RPL36AL: variants seen among roughly 807,000 people sequenced by gnomAD.
RPL36AL encodes the protein ribosomal protein eL42-like.
A neutral mutation model predicts 7.9 loss-of-function variants in RPL36AL; 8 were observed. The ratio of observed to expected loss-of-function variants is 1.02; its 90% CI spans 0.60 to 1.84. The LOEUF (loss-of-function observed/expected upper bound fraction) is 1.84. Among genes scored for constraint, RPL36AL ranks in the 40% most tolerant of loss-of-function variants. The pLI is 0.00. For synonymous variants in RPL36AL, 44 were observed against 44.8 expected (o/e 0.98, Z 0.07); for missense variants, 76 against 126.8 (o/e 0.60, Z 1.93).
chr14:49,619,643 G>A (rs1024609368), intron 1 of RPL36AL, among the ~76,000 whole-genome samples: 7 of 151,356 alleles, frequency 4.6e-5, no homozygotes, highest in Non-Finnish European at 7.4e-5. Flanking sequence ...AAAAAAAAAA[G>A]AACTGAGGCA....
chr14:49,619,209 T>C, intron 1 of RPL36AL, 69 bp from the exon 2 acceptor site: 1 of 988,610 alleles, frequency 1.0e-6, no homozygotes, highest in Non-Finnish European at 1.5e-6. Flanking sequence ...GCTATACAAG[T>C]ATATACAGGA....
Position 49,619,136 on chromosome 14 carries a change from G to T in RPL36AL, c.-32C>A, listed in dbSNP as rs753671654. 8 of 1,541,230 alleles carry T rather than the reference G, an allele frequency of 5.2e-6. No individual in the cohort carries two copies. The highest frequency in any genetic ancestry group is 7.0e-6 in the Non-Finnish European group (8 of 1,139,720). On this transcript the variant is annotated 5_prime_UTR_variant, in exon 2 of 2. Coordinates refer to ENST00000298289, the MANE Select transcript of RPL36AL (RefSeq NM_001001.5). ...AGCAGGGCTGTTTTGTCTATATGATGAAAACTGTAGTAAAATATTTAAAAT... is the reference window on the plus strand; with the variant it reads ...AGCAGGGCTGTTTTGTCTATATGATTAAAACTGTAGTAAAATATTTAAAAT...
Position 49,618,928 on chromosome 14 carries a change from C to T in RPL36AL, c.177G>A (p.Lys59=). Residue 59 remains lysine (K), a synonymous_variant, in exon 2 of 2, where the codon AAG becomes AAA. Coordinates refer to ENST00000298289, the MANE Select transcript of RPL36AL (RefSeq NM_001001.5). ...GGQTKPIFRK[K]AKTTKKIVLR... ...GCACAATCTTCTTTGTGGTCTTAGCCTTCTTCCGGAAAATTGGCTTTGTCT... is the reference window on the plus strand; with the variant it reads ...GCACAATCTTCTTTGTGGTCTTAGCTTTCTTCCGGAAAATTGGCTTTGTCT... 6.2e-7 allele frequency: 1 copy of T among 1,613,658 alleles called. No individual in the cohort carries two copies. Among genetic ancestry groups the T allele is most frequent in the Non-Finnish European group, 8.5e-7 (1 of 1,179,870 alleles).
rs1566503307 is a variant in RPL36AL, at chr14:49,620,581, C to CCTGGCCCTTCGCAGCT, written c.-72_-57dup. ...GCTTACCGAGAAACAGCGCCCGACA[C>CCTGGCCCTTCGCAGCT]CTGGCCCTTCGCAGCTCTCGCCTTT... On this transcript the variant is annotated 5_prime_UTR_variant, in exon 1 of 2. Transcript: ENST00000298289. 5.0e-6 allele frequency: 1 copy of CCTGGCCCTTCGCAGCT among 198,428 alleles called. No individual in the cohort carries two copies. Among genetic ancestry groups the CCTGGCCCTTCGCAGCT allele is most frequent in the Non-Finnish European group, 1.0e-5 (1 of 97,712 alleles). The allele number at this position is 198,428 out of a possible 1,614,324, so 12.3% of individuals were successfully genotyped here.
chr14:49,619,672 T>C (rs1882776203), intron 1 of RPL36AL, among the ~76,000 whole-genome samples: 1 of 151,650 alleles, frequency 6.6e-6, no homozygotes, highest in South Asian at 2.1e-4. Flanking sequence ...ATAAGTAGAA[T>C]GTTTATTTGG....
Position 49,620,600 on chromosome 14 carries a change from C to A in RPL36AL, c.-75G>T, listed in dbSNP as rs1021197191. 5 of 216,692 alleles carry A rather than the reference C, an allele frequency of 2.3e-5. No homozygotes were observed. The highest frequency in any genetic ancestry group is 9.2e-5 in the African/African-American group (4 of 43,558). The allele number at this position is 216,692 out of a possible 1,614,324, so 13.4% of individuals were successfully genotyped here. ...CCGACACCTGGCCCTTCGCAGCTCT[C>A]GCCTTTCGCAGCTCTCGCCTAACAG... On this transcript the variant is annotated 5_prime_UTR_variant, in exon 1 of 2. Transcript: ENST00000298289.
At chr14:49,620,045 G>A (rs996353263) in intron 1 of RPL36AL, among the ~76,000 whole-genome samples, 1 of 152,140 alleles carries the variant, frequency 6.6e-6, no homozygotes, top group Non-Finnish European at 1.5e-5. Context: ...AAAACCGACA[G>A]CAGCAGCTTT....
chr14:49,619,238 A>G, intron 1 of RPL36AL, 98 bp from the exon 2 acceptor site: 3 of 702,658 alleles, frequency 4.3e-6, no homozygotes, highest in Non-Finnish European at 7.1e-6. Flanking sequence ...CACATAAATG[A>G]GTAATATATA....
rs942305612 is a variant in RPL36AL at position 49,620,596 on chromosome 14, C to G, written c.-71G>C. 4.7e-5 allele frequency: 10 copies of G among 213,048 alleles called. No homozygotes were observed. Among genetic ancestry groups the G allele is most frequent in the Non-Finnish European group, 8.4e-5 (9 of 107,476 alleles). The allele number at this position is 213,048 out of a possible 1,614,324, so 13.2% of individuals were successfully genotyped here. On this transcript the variant is annotated 5_prime_UTR_variant, in exon 1 of 2. Coordinates refer to ENST00000298289, the MANE Select transcript of RPL36AL (RefSeq NM_001001.5). ...GCGCCCGACACCTGGCCCTTCGCAG[C>G]TCTCGCCTTTCGCAGCTCTCGCCTA...
At position 49,618,681 on chromosome 14, in the gene RPL36AL, C is replaced by G; in HGVS notation, c.*103G>C. On this transcript the variant is annotated 3_prime_UTR_variant, in exon 2 of 2. Coordinates refer to ENST00000298289, the MANE Select transcript of RPL36AL (RefSeq NM_001001.5). ...GAATTCTATTTATAAGTAAAAACCA[C>G]AAAAAGTTTGCGTAAGAATATCACT... 1.0e-6 allele frequency: 1 copy of G among 958,134 alleles called. No individual in the cohort carries two copies. The allele number at this position is 958,134 out of a possible 1,614,324, so 59.4% of individuals were successfully genotyped here. A position where few individuals can be genotyped will look rare whatever the true frequency, so the allele number is the denominator to read the frequency against.
rs202167544 is a variant in RPL36AL at position 49,619,084 on chromosome 14, G to C, written c.21C>G (p.Thr7=). ...CACACTTCTTACAGAAGGTTCTTCG[G>C]GTTTTAGGTACGTTGACCATCTTTG... MVNVPK[T]RRTFCKKCGK... The change falls in exon 2 of 2, where the codon ACC becomes ACG. Residue 7 remains threonine, a synonymous_variant. Transcript: ENST00000298289. 123 of 1,611,046 alleles carry C rather than the reference G, an allele frequency of 7.6e-5. No homozygotes were observed. Among genetic ancestry groups the C allele is most frequent in the Non-Finnish European group, 9.4e-5 (111 of 1,177,640 alleles).
At chr14:49,619,203 T>C (rs1368445983) in intron 1 of RPL36AL, 63 bp from the exon 2 acceptor site, 21 of 1,006,634 alleles carry the variant, frequency 2.1e-5, no homozygotes, top group Admixed American at 7.6e-5. Context: ...GAAAGTGCTA[T>C]ACAAGTATAT....
At position 49,618,632 on chromosome 14, in the gene RPL36AL, T is replaced by G; in HGVS notation, c.*152A>C. 1 of 622,488 alleles carries G rather than the reference T, an allele frequency of 1.6e-6. No homozygotes were observed. Among genetic ancestry groups the G allele is most frequent in the Non-Finnish European group, 2.8e-6 (1 of 357,968 alleles). The allele number at this position is 622,488 out of a possible 1,614,324, so 38.6% of individuals were successfully genotyped here. ...CATATATAAACTTGTTAGTAAAGTT[T>G]GAGGTGGGACTACACTAAACATGGA... On this transcript the variant is annotated 3_prime_UTR_variant, in exon 2 of 2. Transcript: ENST00000298289.
Position 49,619,224 on chromosome 14 carries a change from C to T in RPL36AL, c.-36-84G>A, listed in dbSNP as rs1341234156. ...GCTATACAAGTATATACAGGAAAAC[C>T]GTACACATAAATGAGTAATATATAA... On this transcript the variant is annotated intron_variant, in intron 1 of 1. Coordinates refer to ENST00000298289, the MANE Select transcript of RPL36AL (RefSeq NM_001001.5). 2.0e-5 allele frequency: 16 copies of T among 820,180 alleles called. 1 individual carries two copies. The highest frequency in any genetic ancestry group is 1.4e-4 in the South Asian group (8 of 55,498). 50.8% of individuals were successfully genotyped at this position (820,180 alleles called of 1,614,324 possible). A position where few individuals can be genotyped will look rare whatever the true frequency, so the allele number is the denominator to read the frequency against.
At position 49,618,631 on chromosome 14, in the gene RPL36AL, TTGAGGTGGGACTACACTAAACA is replaced by T; in HGVS notation, c.*131_*152del. 1 of 621,968 alleles carries T rather than the reference TTGAGGTGGGACTACACTAAACA, an allele frequency of 1.6e-6. No homozygotes were observed. Among genetic ancestry groups the T allele is most frequent in the Non-Finnish European group, 2.8e-6 (1 of 357,558 alleles). 38.5% of individuals were successfully genotyped at this position (621,968 alleles called of 1,614,324 possible). A position where few individuals can be genotyped will look rare whatever the true frequency, so the allele number is the denominator to read the frequency against. ...ACATATATAAACTTGTTAGTAAAGT[TTGAGGTGGGACTACACTAAACA>T]TGGAATTCTATTTATAAGTAAAAAC... On this transcript the variant is annotated 3_prime_UTR_variant, in exon 2 of 2. Transcript: ENST00000298289.
intron 1 of RPL36AL, among the ~76,000 whole-genome samples, chr14:49,619,617 C>T (rs566774361): frequency 1.3e-5 from 2 of 148,528 alleles, no homozygotes; most frequent in Non-Finnish European, 3.0e-5. Context: ...GCAACAACAG[C>T]GGAATTACGT....
In RPL36AL at chr14:49,619,144, T is replaced by C. The variant is rs367990485; in HGVS notation, c.-36-4A>G. 74 of 1,523,316 alleles carry C rather than the reference T, an allele frequency of 4.9e-5. No homozygotes were observed. The African/African-American group carries it at 9.0e-4, about 19-fold the overall frequency. The allele number at this position is 1,523,316 out of a possible 1,614,324, so 94.4% of individuals were successfully genotyped here. On this transcript the variant is annotated splice_region_variant and splice_polypyrimidine_tract_variant and intron_variant, in intron 1 of 1. Coordinates refer to ENST00000298289, the MANE Select transcript of RPL36AL (RefSeq NM_001001.5). ...TGTTTTGTCTATATGATGAAAACTGTAGTAAAATATTTAAAATAAGATAGC... is the reference window on the plus strand; with the variant it reads ...TGTTTTGTCTATATGATGAAAACTGCAGTAAAATATTTAAAATAAGATAGC...
At position 49,618,961 on chromosome 14, in the gene RPL36AL, A is replaced by T. The variant is rs1005048070; in HGVS notation, c.144T>A (p.Tyr48Ter). The change falls in exon 2 of 2, where the codon TAT (tyrosine) becomes TAA (stop). Residue 48 changes from tyrosine (Y) to a stop codon, truncating the protein, a stop_gained. Coordinates refer to ENST00000298289, the MANE Select transcript of RPL36AL (RefSeq NM_001001.5). LOFTEE classifies it high-confidence loss of function. ...RRRYDRKQSG[Y>*]GGQTKPIFRK... is the part of the protein sequence containing the mutation. ...GGAAAATTGGCTTTGTCTGCCCACC[A>T]TAGCCACTCTGCTTCCGATCATAGC... is the stretch of plus-strand genomic sequence containing the variant. 6 of 1,613,816 alleles carry T rather than the reference A, an allele frequency of 3.7e-6. No individual in the cohort carries two copies. The African/African-American group carries it at 5.3e-5, about 14-fold the overall frequency.
chr14:49,620,408 G>A (rs1451637050), intron 1 of RPL36AL, among the ~76,000 whole-genome samples, 154 bp downstream of exon 1: 1 of 152,264 alleles, frequency 6.6e-6, no homozygotes, highest in Admixed American at 6.5e-5. Context: ...CCATGCCTGA[G>A]ACCTTTTTCC....
Sources: gnomAD v4.1 joint callset for allele counts (sites outside exome capture counted in the v4.1 genomes callset) on GRCh38, gnomAD v4.1.1 for gene constraint, MANE v1.5 for transcripts, NCBI Gene and HGNC (gene_info 2026-07-23, HGNC 2026-07-21) for gene names.